Variants in LARGE1 observed in about 807,000 individuals in gnomAD.
LARGE1 encodes xylosyl- and glucuronyltransferase LARGE1.
Under a neutral mutation model 87.6 loss-of-function variants are expected in LARGE1, and 43 were observed. The ratio of observed to expected loss-of-function variants is 0.49; its 90% CI spans 0.38 to 0.63. LARGE1 has a LOEUF of 0.63. LARGE1 is among the 30% of genes least tolerant of loss of function. The probability of loss-of-function intolerance (pLI) is 0.00; values close to 1 mark genes in which losing one functional copy is unlikely to be tolerated. For missense variants in LARGE1, 802 were observed against 1,000.2 expected, an observed-to-expected ratio of 0.80 and a Z score of 2.67; for synonymous variants, 434 against 394.6, an observed-to-expected ratio of 1.10 and a Z score of -1.18.
At chr22:33,306,780 A>C (rs1934975565) in intron 11 of LARGE1, among the ~76,000 whole-genome samples, 1 of 151,866 alleles carries the variant, frequency 6.6e-6, no homozygotes, top group South Asian at 2.1e-4. Flanking sequence ...AGGCTGACAC[A>C]GAAGAATCGC....
chr22:33,325,570 T>A (rs1249087404), intron 10 of LARGE1, among the ~76,000 whole-genome samples: 1 of 152,202 alleles, frequency 6.6e-6, no homozygotes, highest in South Asian at 2.1e-4. Context: ...TCTGCAAGGT[T>A]CCAGCAGGTT....
At chr22:33,288,948 A>AATTATTATT (rs111962265) in intron 12 of LARGE1, among the ~76,000 whole-genome samples, 52 of 150,966 alleles carry the variant, frequency 3.4e-4, no homozygotes, top group African/African-American at 1.2e-3. Context: ...TGGATCAAGG[A>AATTATTATT]ATTATTATTA....
At chr22:33,076,823 G>A in the LARGE1 span, among the ~76,000 whole-genome samples, 4 of 152,160 alleles carry the variant, frequency 2.6e-5, no homozygotes, top group African/African-American at 4.8e-5. Flanking sequence ...TATCTTAAGA[G>A]CTGGGATGTT....
intron 1 of LARGE1, among the ~76,000 whole-genome samples, chr22:33,838,668 T>A (rs1179408805): frequency 1.3e-5 from 2 of 152,174 alleles, no homozygotes; most frequent in African/African-American, 4.8e-5. Context: ...GCGATTTCTA[T>A]CCTAATAAAA....
chr22:33,734,644 C>T (rs551390294), intron 2 of LARGE1, among the ~76,000 whole-genome samples: 27 of 152,256 alleles, frequency 1.8e-4, no homozygotes, highest in Admixed American at 4.6e-4. Context: ...CCCTGTTTAG[C>T]TTTCATGTTT....
At chr22:33,818,204 C>A (rs948014976) in intron 1 of LARGE1, among the ~76,000 whole-genome samples, 2 of 152,136 alleles carry the variant, frequency 1.3e-5, no homozygotes, top group Non-Finnish European at 2.9e-5. Flanking sequence ...CAGCTGTGCC[C>A]CCTCAAGTCA....
chr22:33,681,604 C>T (rs2081774478), intron 2 of LARGE1, among the ~76,000 whole-genome samples: 1 of 152,190 alleles, frequency 6.6e-6, no homozygotes, highest in Non-Finnish European at 1.5e-5. Context: ...ATTTCCTATA[C>T]TATTAAAGAT....
intron 2 of LARGE1, among the ~76,000 whole-genome samples, chr22:33,729,490 T>C (rs979243061): frequency 1.9e-4 from 29 of 152,340 alleles, no homozygotes; most frequent in African/African-American, 7.0e-4. Context: ...CTCAATATCA[T>C]GAGAGATAAA....
intron 2 of LARGE1, among the ~76,000 whole-genome samples, chr22:33,680,952 A>AATC (rs1399397935): frequency 6.6e-6 from 1 of 152,232 alleles, no homozygotes; most frequent in African/African-American, 2.4e-5. Flanking sequence ...TACCCTCTGC[A>AATC]ATCATCCACC....
intron 9 of LARGE1, among the ~76,000 whole-genome samples, chr22:33,379,213 T>C (rs953184218): frequency 2.6e-4 from 40 of 151,498 alleles, no homozygotes; most frequent in Admixed American, 1.8e-3. Context: ...CTTTATTTTA[T>C]GAAAGAAGTC....
At chr22:33,426,920 G>A (rs937691011) in intron 7 of LARGE1, among the ~76,000 whole-genome samples, 3 of 152,152 alleles carry the variant, frequency 2.0e-5, no homozygotes, top group Non-Finnish European at 2.9e-5. Context: ...GTCGCCTTTG[G>A]GGTCCCATGC....
chr22:33,483,417 A>G (rs981118047), intron 6 of LARGE1, among the ~76,000 whole-genome samples: 5 of 152,210 alleles, frequency 3.3e-5, no homozygotes, highest in Non-Finnish European at 7.3e-5. Context: ...TTGGGGGCAG[A>G]GGTAGTGTCA....
intron 6 of LARGE1, among the ~76,000 whole-genome samples, chr22:33,522,544 CA>C (rs2071659721): frequency 6.6e-6 from 1 of 151,920 alleles, no homozygotes. Context: ...AAAAAAAATA[CA>C]AAAAAGGCCA....
chr22:33,816,674 G>GGATAGATAGATAGATAGATAGATA (rs1556115447), intron 1 of LARGE1, among the ~76,000 whole-genome samples: 2 of 141,326 alleles, frequency 1.4e-5, no homozygotes, highest in African/African-American at 5.3e-5. Context: ...ACGGATGGAT[G>GGATAGATAGATAGATAGATAGATA]GATAGATAGA....
chr22:33,672,561 G>C (rs372567367), intron 2 of LARGE1, among the ~76,000 whole-genome samples: 1 of 152,188 alleles, frequency 6.6e-6, no homozygotes, highest in Non-Finnish European at 1.5e-5. Flanking sequence ...ACTTGATACT[G>C]TTTGCTATGC....
intron 2 of LARGE1, among the ~76,000 whole-genome samples, chr22:33,674,774 G>A (rs777055575): frequency 1.3e-5 from 2 of 152,120 alleles, no homozygotes; most frequent in Non-Finnish European, 2.9e-5. Context: ...CCAATTTGTT[G>A]ACTTCATGAG....
chr22:33,624,158 A>G (rs1215243927), intron 4 of LARGE1, among the ~76,000 whole-genome samples: 1 of 152,226 alleles, frequency 6.6e-6, no homozygotes, highest in Non-Finnish European at 1.5e-5. Flanking sequence ...GATTGAATAT[A>G]TATCTTCACG....
intron 9 of LARGE1, among the ~76,000 whole-genome samples, chr22:33,361,150 C>G (rs1334162831): frequency 6.7e-6 from 1 of 148,984 alleles, no homozygotes; most frequent in African/African-American, 2.5e-5. Context: ...GTGGGGGTTA[C>G]AGTGAGCCGA....
intron 14 of LARGE1, among the ~76,000 whole-genome samples, chr22:33,274,838 T>C (rs1210796032): frequency 6.6e-6 from 1 of 152,204 alleles, no homozygotes; most frequent in African/African-American, 2.4e-5. Context: ...TGAGCCTTCA[T>C]GTTCTCATCT....
Sources: allele counts gnomAD v4.1 joint callset (sites outside exome capture counted in the v4.1 genomes callset), GRCh38; gene constraint gnomAD v4.1.1; transcripts MANE v1.5; gene names NCBI Gene and HGNC (gene_info 2026-07-23, HGNC 2026-07-21).